Variants in BBS9 observed in about 807,000 individuals in gnomAD.
The protein encoded by BBS9 is Bardet-Biedl syndrome 9.
A neutral mutation model predicts 117.7 loss-of-function variants in BBS9; 89 were observed. That is an observed-to-expected ratio of 0.76 (90% CI 0.64 to 0.90). The LOEUF is 0.90. BBS9 is among the 40% of genes least tolerant of loss of function. The pLI is 0.00. For synonymous variants in BBS9, 379 were observed against 370.9 expected (o/e 1.02, Z -0.25); for missense variants, 982 against 1,042.2 (o/e 0.94, Z 0.80).
intron 19 of BBS9, among the ~76,000 whole-genome samples, chr7:33,424,886 T>A (rs1232080864): frequency 6.6e-6 from 1 of 152,176 alleles, no homozygotes; most frequent in Non-Finnish European, 1.5e-5. Flanking sequence ...GTAACAGATG[T>A]GCAAGTAGAT....
intron 21 of BBS9, among the ~76,000 whole-genome samples, chr7:33,538,875 A>G (rs1851858895): frequency 6.6e-6 from 1 of 151,952 alleles, no homozygotes; most frequent in Non-Finnish European, 1.5e-5. Flanking sequence ...GGCCAGTTAT[A>G]TGATATGGAA....
At chr7:33,179,819 T>C (rs1797849075) in intron 5 of BBS9, among the ~76,000 whole-genome samples, 1 of 152,158 alleles carries the variant, frequency 6.6e-6, no homozygotes, top group South Asian at 2.1e-4. Flanking sequence ...TTATATAGAT[T>C]GCAGTGTACT....
intron 5 of BBS9, among the ~76,000 whole-genome samples, chr7:33,178,702 T>C (rs10274959): frequency 0.099 from 15,034 of 152,212 alleles, 816 homozygotes; most frequent in South Asian, 0.13. Context: ...ATTGTTTAAC[T>C]GTTGCATTGT....
At chr7:33,428,594 C>T (rs1285479648) in intron 19 of BBS9, among the ~76,000 whole-genome samples, 1 of 152,164 alleles carries the variant, frequency 6.6e-6, no homozygotes, top group Non-Finnish European at 1.5e-5. Context: ...ATAGGGTACA[C>T]ATTCCTCATC....
intron 20 of BBS9, among the ~76,000 whole-genome samples, chr7:33,511,408 GAGCAAT>G (rs1332696099): frequency 6.6e-6 from 1 of 152,124 alleles, no homozygotes; most frequent in African/African-American, 2.4e-5. Context: ...CTAATGAAAA[GAGCAAT>G]AGTGCACTGG....
intron 9 of BBS9, among the ~76,000 whole-genome samples, chr7:33,280,008 G>A (rs1173545116): frequency 1.3e-5 from 2 of 152,180 alleles, no homozygotes; most frequent in East Asian, 1.9e-4. Context: ...CTCACAGCAA[G>A]CTTTAAAATC....
chr7:33,242,187 G>C lies in BBS9; in HGVS notation c.443-15049G>C, dbSNP rs879308095. Reference sequence around the variant, plus strand: ...ACATTAAAATCAGTTTGGGGTTTATGAATTCCTAGGATAGATTTTTTTTTC... The same window carrying C: ...ACATTAAAATCAGTTTGGGGTTTATCAATTCCTAGGATAGATTTTTTTTTC... On this transcript the variant is annotated intron_variant, in intron 5 of 22. Transcript: ENST00000242067. Among the ~76,000 whole-genome samples, 10 of 152,204 alleles carry C rather than the reference G, an allele frequency of 6.6e-5. 1 individual carries two copies. Among genetic ancestry groups the C allele is most frequent in the Admixed American group, 2.0e-4 (3 of 15,288 alleles).
chr7:33,492,202 C>CAAAAAAAAAA (rs1563251353), intron 19 of BBS9, among the ~76,000 whole-genome samples: 1 of 41,094 alleles, frequency 2.4e-5, no homozygotes, highest in African/African-American at 1.7e-4. Flanking sequence ...GATTCCACCT[C>CAAAAAAAAAA]GAAAAAAAAA....
chr7:33,517,101 T>G (rs1232263444), intron 20 of BBS9, among the ~76,000 whole-genome samples: 1 of 152,242 alleles, frequency 6.6e-6, no homozygotes, highest in East Asian at 1.9e-4. Flanking sequence ...TCCAGTGAAC[T>G]TCACTAACTA....
At chr7:33,429,912 C>T (rs1245391500) in intron 19 of BBS9, among the ~76,000 whole-genome samples, 1 of 152,098 alleles carries the variant, frequency 6.6e-6, no homozygotes, top group Admixed American at 6.5e-5. Flanking sequence ...AGACCAGCTT[C>T]TCTATGGGAA....
chr7:33,296,552 G>C (rs1251687140), intron 9 of BBS9, among the ~76,000 whole-genome samples: 2 of 152,144 alleles, frequency 1.3e-5, no homozygotes, highest in Non-Finnish European at 2.9e-5. Flanking sequence ...GGAACTCCTA[G>C]TTAAATGAGA....
Position 33,412,396 on chromosome 7 carries a change from T to C in BBS9, c.2115+24252T>C, listed in dbSNP as rs1012681670. Among the ~76,000 whole-genome samples the C allele has an allele frequency of 9.9e-5, 15 of 152,184 alleles. 1 individual carries two copies. The highest frequency in any genetic ancestry group is 5.2e-4 in the Admixed American group (8 of 15,288). ...ACATTTGTTGAGCTCTCTGGTCCTG[T>C]CCCAAGGGCAACTGGCATTTCTTCA... On this transcript the variant is annotated intron_variant, in intron 19 of 22. Coordinates refer to ENST00000242067, the MANE Select transcript of BBS9 (RefSeq NM_198428.3).
At chr7:33,453,362 A>G (rs2128920899) in intron 19 of BBS9, among the ~76,000 whole-genome samples, 1 of 152,218 alleles carries the variant, frequency 6.6e-6, no homozygotes, top group Non-Finnish European at 1.5e-5. Context: ...ACACAGATCC[A>G]CTTATATGTT....
chr7:33,565,115 T>C (rs1381680397), intron 21 of BBS9, among the ~76,000 whole-genome samples: 2 of 152,258 alleles, frequency 1.3e-5, no homozygotes, highest in East Asian at 3.9e-4. Context: ...TATTGAAATA[T>C]CAAAAAAGAT....
chr7:33,404,483 A>G (rs1829558191), intron 19 of BBS9, among the ~76,000 whole-genome samples: 1 of 152,186 alleles, frequency 6.6e-6, no homozygotes, highest in Middle Eastern at 3.4e-3. Context: ...TGAGCATGGA[A>G]TGTTCTTCCA....
At chr7:33,614,568 G>A (rs1865040722) in intron 21 of BBS9, among the ~76,000 whole-genome samples, 1 of 151,980 alleles carries the variant, frequency 6.6e-6, no homozygotes, top group Non-Finnish European at 1.5e-5. Context: ...AAAAATACAG[G>A]TGCATACAGA....
At chr7:33,498,206 C>A (rs139951850) in intron 19 of BBS9, among the ~76,000 whole-genome samples, 100 of 152,234 alleles carry the variant, frequency 6.6e-4, no homozygotes, top group Non-Finnish European at 1.2e-3. Context: ...GGTAATTAAG[C>A]CCTAGTTTCA....
chr7:33,221,373 T>A (rs920837740), intron 5 of BBS9, among the ~76,000 whole-genome samples: 5 of 152,182 alleles, frequency 3.3e-5, no homozygotes, highest in Non-Finnish European at 7.3e-5. Flanking sequence ...TAATTATATT[T>A]TGATTTAAAA....
At chr7:33,325,997 C>G (rs1362194075) in intron 9 of BBS9, among the ~76,000 whole-genome samples, 2 of 152,168 alleles carry the variant, frequency 1.3e-5, no homozygotes, top group African/African-American at 4.8e-5. Flanking sequence ...CTGGCTACCA[C>G]TTACGTGTGG....
Sources: allele counts gnomAD v4.1 joint callset (sites outside exome capture counted in the v4.1 genomes callset), GRCh38; gene constraint gnomAD v4.1.1; transcripts MANE v1.5; gene names NCBI Gene and HGNC (gene_info 2026-07-23, HGNC 2026-07-21).